Variants in FBXO4 observed in about 807,000 individuals in gnomAD.
The protein encoded by FBXO4 is F-box protein 4.
A neutral mutation model predicts 43.7 loss-of-function variants in FBXO4; 36 were observed. The observed-to-expected ratio is 0.82, with a 90% CI of 0.63 to 1.09. FBXO4 has a LOEUF of 1.09. Among genes scored for constraint, FBXO4 ranks in the 50% least tolerant of loss-of-function variants. FBXO4 has a pLI of 0.00. For synonymous variants in FBXO4, 180 were observed against 165.6 expected, an observed-to-expected ratio of 1.09 and a Z score of -0.67; for missense variants, 435 against 474.1, an observed-to-expected ratio of 0.92 and a Z score of 0.77.
chr5:41,978,145 A>G, the FBXO4 span, among the ~76,000 whole-genome samples: 1 of 152,158 alleles, frequency 6.6e-6, no homozygotes, highest in Non-Finnish European at 1.5e-5. Context: ...AGTGGAAGCA[A>G]GATACAGATG....
At chr5:42,004,520 A>G in the FBXO4 span, among the ~76,000 whole-genome samples, 1 of 152,242 alleles carries the variant, frequency 6.6e-6, no homozygotes, top group Non-Finnish European at 1.5e-5. Flanking sequence ...GTTTAAATAC[A>G]TAGGACCATA....
intron 5 of FBXO4, 130 bp from the exon 6 acceptor site, chr5:41,939,311 A>AT (rs1319945888): frequency 3.2e-5 from 25 of 779,738 alleles, no homozygotes; most frequent in East Asian, 1.1e-4. Flanking sequence ...GAGTACTGTG[A>AT]TTTTTTTCCC....
chr5:41,939,622 A>G lies in FBXO4; in HGVS notation c.1074+6A>G, dbSNP rs374556186. ...TTCTAAATCACCCATGGCTGGTAAGATCATTTATACTCTAGTGACAAAAAT... is the reference window on the plus strand; with the variant it reads ...TTCTAAATCACCCATGGCTGGTAAGGTCATTTATACTCTAGTGACAAAAAT... On this transcript the variant is annotated splice_donor_region_variant and intron_variant, in intron 6 of 6. Coordinates refer to ENST00000281623, the MANE Select transcript of FBXO4 (RefSeq NM_012176.3). 6.2e-7 allele frequency: 1 copy of G among 1,606,034 alleles called. No homozygotes were observed. Among genetic ancestry groups the G allele is most frequent in the African/African-American group, 1.3e-5 (1 of 74,638 alleles).
chr5:41,930,004 T>A, intron 3 of FBXO4, 87 bp downstream of exon 3: 1 of 1,129,018 alleles, frequency 8.9e-7, no homozygotes, highest in Non-Finnish European at 1.3e-6. Context: ...TTAAATTAAT[T>A]ATTTGCTATA....
chr5:41,984,487 C>T, the FBXO4 span, among the ~76,000 whole-genome samples: 2 of 152,126 alleles, frequency 1.3e-5, no homozygotes, highest in African/African-American at 4.8e-5. Flanking sequence ...GACATAAGGG[C>T]TCACTCTCTG....
the FBXO4 span, among the ~76,000 whole-genome samples, chr5:42,015,590 T>TGACAC: frequency 6.6e-6 from 1 of 152,142 alleles, no homozygotes; most frequent in Non-Finnish European, 1.5e-5. Context: ...TGTGCTAATG[T>TGACAC]GACACCCTCC....
chr5:41,962,038 A>T, the FBXO4 span, among the ~76,000 whole-genome samples: 2 of 150,866 alleles, frequency 1.3e-5, no homozygotes, highest in African/African-American at 2.4e-5. Context: ...GTTGCCACAG[A>T]CTCTTTAGTG....
chr5:41,929,448 A>G (rs1006615363), intron 2 of FBXO4, among the ~76,000 whole-genome samples: 2 of 152,166 alleles, frequency 1.3e-5, no homozygotes, highest in Non-Finnish European at 1.5e-5. Context: ...AAAGTAAGTA[A>G]CCACTTCATG....
At chr5:41,966,075 C>T in the FBXO4 span, among the ~76,000 whole-genome samples, 5 of 152,074 alleles carry the variant, frequency 3.3e-5, no homozygotes, top group Admixed American at 6.6e-5. Context: ...CATATTCTCG[C>T]TCATAGGTGG....
chr5:42,008,005 AGAATT>A, the FBXO4 span, among the ~76,000 whole-genome samples: 1 of 152,170 alleles, frequency 6.6e-6, no homozygotes, highest in Non-Finnish European at 1.5e-5. Context: ...GAAAAGAAAA[AGAATT>A]AATAATGGAC....
the FBXO4 span, among the ~76,000 whole-genome samples, chr5:41,961,860 C>A: frequency 0.079 from 12,086 of 152,220 alleles, 686 homozygotes; most frequent in African/African-American, 0.16. Flanking sequence ...TAGCCAGTGT[C>A]CCCTATGGAG....
the FBXO4 span, among the ~76,000 whole-genome samples, chr5:41,991,924 C>T: frequency 6.6e-6 from 1 of 152,018 alleles, no homozygotes; most frequent in African/African-American, 2.4e-5. Flanking sequence ...ACTAAAAATA[C>T]AAAATTAGCC....
At chr5:42,010,254 C>G in the FBXO4 span, among the ~76,000 whole-genome samples, 4 of 152,090 alleles carry the variant, frequency 2.6e-5, no homozygotes, top group South Asian at 8.3e-4. Flanking sequence ...AATCCCAGCA[C>G]TTTGGGAGGC....
chr5:41,961,133 G>C, the FBXO4 span, among the ~76,000 whole-genome samples: 1 of 152,018 alleles, frequency 6.6e-6, no homozygotes, highest in African/African-American at 2.4e-5. Context: ...GTCACCAATG[G>C]GGTCAAAGCT....
intron 5 of FBXO4, chr5:41,934,714 A>G: frequency 9.6e-7 from 1 of 1,036,614 alleles, no homozygotes; most frequent in Non-Finnish European, 1.2e-6. Context: ...CAAATAATCT[A>G]TGCAAATAAC....
At chr5:41,935,624 C>A (rs1328885738) in intron 5 of FBXO4, among the ~76,000 whole-genome samples, 1 of 152,190 alleles carries the variant, frequency 6.6e-6, no homozygotes, top group Non-Finnish European at 1.5e-5. Context: ...CAATACAGGG[C>A]AGAATTCAGC....
chr5:41,999,481 A>ATATATATATACATATATATG, the FBXO4 span, among the ~76,000 whole-genome samples: 1 of 10,400 alleles, frequency 9.6e-5, no homozygotes, highest in African/African-American at 1.9e-4. Flanking sequence ...ATATATACAC[A>ATATATATATACATATATATG]TATATATATA....
chr5:41,995,204 G>T, the FBXO4 span, among the ~76,000 whole-genome samples: 1 of 152,204 alleles, frequency 6.6e-6, no homozygotes, highest in Non-Finnish European at 1.5e-5. Context: ...AGGCAATGCT[G>T]TGTGGAATAC....
At chr5:41,979,686 C>T in the FBXO4 span, among the ~76,000 whole-genome samples, 1 of 152,110 alleles carries the variant, frequency 6.6e-6, no homozygotes, top group South Asian at 2.1e-4. Flanking sequence ...CTCAGCAAGT[C>T]CCCTGGCATG....
Sources: gnomAD v4.1 joint callset for allele counts (sites outside exome capture counted in the v4.1 genomes callset) on GRCh38, gnomAD v4.1.1 for gene constraint, MANE v1.5 for transcripts, NCBI Gene and HGNC (gene_info 2026-07-23, HGNC 2026-07-21) for gene names.